The following HLCS variants were observed in gnomAD, a reference collection of about 807,000 sequenced individuals.
HLCS encodes holocarboxylase synthetase.
HLCS carries 53 observed loss-of-function variants against 75.0 expected under a neutral mutation model. That is an observed-to-expected ratio of 0.71 (90% CI 0.57 to 0.89). The LOEUF is 0.89. Among genes scored for constraint, HLCS ranks in the 40% least tolerant of loss-of-function variants. The pLI, the probability that HLCS is intolerant of heterozygous loss-of-function variation, is 0.00. For missense variants in HLCS, 966 were observed against 1,074.0 expected, an observed-to-expected ratio of 0.90 and a Z score of 1.41; for synonymous variants, 431 against 428.6, an observed-to-expected ratio of 1.01 and a Z score of -0.07.
At chr21:36,848,981 G>A (rs1177615866) in intron 6 of HLCS, among the ~76,000 whole-genome samples, 1 of 152,196 alleles carries the variant, frequency 6.6e-6, no homozygotes, top group Non-Finnish European at 1.5e-5. Context: ...AGAAAATGGA[G>A]ATGGCGAAGA....
At chr21:36,954,644 A>G (rs996163690) in intron 2 of HLCS, among the ~76,000 whole-genome samples, 4 of 152,170 alleles carry the variant, frequency 2.6e-5, no homozygotes, top group Non-Finnish European at 5.9e-5. Flanking sequence ...TAGCACAGAC[A>G]ATTACATACA....
At position 36,937,267 on chromosome 21, in the gene HLCS, G is replaced by A; in HGVS notation, c.619C>T (p.His207Tyr). ...EIKPEQDGME[H>Y]VGRDDPKALG... ...GCCTTTGGGTCATCTCTGCCAACAT[G>A]CTCCATACCGTCCTGCTCAGGCTTA... Residue 207 changes from histidine to tyrosine, a missense_variant, in exon 4 of 11, where the codon CAT (histidine) becomes TAT (tyrosine). Physicochemically the swap from His to Tyr is moderately conservative, Grantham distance 83 (BLOSUM62 2). Coordinates refer to ENST00000674895, the MANE Select transcript of HLCS (RefSeq NM_001352514.2). 6.2e-7 allele frequency: 1 copy of A among 1,614,014 alleles called. No individual in the cohort carries two copies. Among genetic ancestry groups the A allele is most frequent in the South Asian group, 1.1e-5 (1 of 91,078 alleles).
rs2066907836 is a variant in HLCS at position 36,936,809 on chromosome 21, G to C, written c.1077C>G (p.Asp359Glu). ...TAGCAATGACCAACAGCAGACAGTT[G>C]TCCGTCCACGGGTCTCTGAGAGCAC... ...EDSALRDPWT[D>E]NCLLLVIATR... is the part of the protein sequence containing the mutation. Residue 359 changes from aspartate to glutamate, a missense_variant, in exon 4 of 11, where the codon GAC (aspartate) becomes GAG (glutamate). Transcript: ENST00000674895. 1.9e-6 allele frequency: 3 copies of C among 1,614,196 alleles called. No homozygotes were observed. The highest frequency in any genetic ancestry group is 2.5e-6 in the Non-Finnish European group (3 of 1,180,024).
chr21:36,749,453 T>C lies in HLCS; in HGVS notation c.*4793A>G, dbSNP rs2089300049. ...GCTCTCAAAATGTGAACTGACTTTT[T>C]TTTTTTTTTTTTTGCCAACCCTGTG... On this transcript the variant is annotated 3_prime_UTR_variant, in exon 11 of 11. Transcript: ENST00000674895. 6.6e-6 allele frequency: 1 copy of C among 151,730 alleles called. No homozygotes were observed. The highest frequency in any genetic ancestry group is 2.4e-5 in the African/African-American group (1 of 41,352). 9.4% of individuals were successfully genotyped at this position (151,730 alleles called of 1,614,324 possible). A position where few individuals can be genotyped will look rare whatever the true frequency, so the allele number is the denominator to read the frequency against.
At chr21:36,790,716 G>A (rs2060836305) in intron 6 of HLCS, among the ~76,000 whole-genome samples, 2 of 152,186 alleles carry the variant, frequency 1.3e-5, no homozygotes. Context: ...GGCTGTGAAG[G>A]CTCAGACAGG....
chr21:36,923,762 G>T (rs1381408173), intron 5 of HLCS, among the ~76,000 whole-genome samples: 1 of 152,116 alleles, frequency 6.6e-6, no homozygotes, highest in African/African-American at 2.4e-5. Flanking sequence ...CCCCAAGTAT[G>T]ATTTCTTTTG....
At chr21:36,811,931 G>T (rs576844832) in intron 6 of HLCS, among the ~76,000 whole-genome samples, 1 of 152,236 alleles carries the variant, frequency 6.6e-6, no homozygotes, top group Admixed American at 6.5e-5. Context: ...CTGGGTCTCG[G>T]CTTCTTAACC....
rs370448987 is a variant in HLCS, at chr21:36,822,178, T to C, written c.1893-54893A>G. On this transcript the variant is annotated intron_variant, in intron 6 of 10. Coordinates refer to ENST00000674895, the MANE Select transcript of HLCS (RefSeq NM_001352514.2). Reference sequence around the variant, plus strand: ...GGCTCACACCTGTAATCCCAGTACTTTGGGAGGCTGAGGCAGGCGAATCAC... The same window carrying C: ...GGCTCACACCTGTAATCCCAGTACTCTGGGAGGCTGAGGCAGGCGAATCAC... Among the ~76,000 whole-genome samples the C allele has an allele frequency of 1.3e-4, 20 of 152,228 alleles. 1 individual carries two copies. The highest frequency in any genetic ancestry group is 4.3e-4 in the African/African-American group (18 of 41,534).
chr21:36,901,548 G>A (rs1489867595), intron 5 of HLCS, among the ~76,000 whole-genome samples: 3 of 152,302 alleles, frequency 2.0e-5, no homozygotes, highest in South Asian at 4.1e-4. Context: ...ACGTCAACGG[G>A]GCCGTGCCTC....
intron 6 of HLCS, among the ~76,000 whole-genome samples, chr21:36,895,466 T>A (rs1314461098): frequency 6.6e-6 from 1 of 152,098 alleles, no homozygotes; most frequent in Non-Finnish European, 1.5e-5. Context: ...TGAAAGTACC[T>A]ATGACATCAC....
intron 6 of HLCS, among the ~76,000 whole-genome samples, chr21:36,830,361 C>CCATCCCAGTTACCAA (rs1236271075): frequency 1.3e-5 from 2 of 152,230 alleles, no homozygotes; most frequent in Non-Finnish European, 2.9e-5. Flanking sequence ...CCATCCAGTC[C>CCATCCCAGTTACCAA]TGTGGTAACG....
intron 6 of HLCS, among the ~76,000 whole-genome samples, chr21:36,775,279 T>C (rs1390079703): frequency 6.6e-6 from 1 of 152,276 alleles, no homozygotes; most frequent in African/African-American, 2.4e-5. Flanking sequence ...AGGAGCCCAG[T>C]GGATTCAGCT....
intron 2 of HLCS, among the ~76,000 whole-genome samples, chr21:36,946,985 T>C (rs2146582803): frequency 6.6e-6 from 1 of 152,232 alleles, no homozygotes; most frequent in East Asian, 1.9e-4. Context: ...ACTAACACCG[T>C]GGCAGGGCAG....
chr21:36,821,983 T>A (rs1033766562), intron 6 of HLCS, among the ~76,000 whole-genome samples: 2 of 152,066 alleles, frequency 1.3e-5, no homozygotes, highest in African/African-American at 4.8e-5. Flanking sequence ...ACAGGAGACA[T>A]CAGGTGGCCT....
At chr21:36,901,160 C>A (rs2065221911) in intron 5 of HLCS, among the ~76,000 whole-genome samples, 2 of 152,050 alleles carry the variant, frequency 1.3e-5, no homozygotes, top group African/African-American at 4.8e-5. Flanking sequence ...ACCTGGGAGG[C>A]TGAACTCAGG....
intron 6 of HLCS, among the ~76,000 whole-genome samples, chr21:36,865,599 T>TGAAG (rs2063527714): frequency 1.3e-5 from 2 of 152,144 alleles, no homozygotes; most frequent in Non-Finnish European, 2.9e-5. Flanking sequence ...TCTTCAGTCT[T>TGAAG]TGTACCGTTT....
At chr21:36,969,484 G>C (rs529844101), upstream of HLCS, 1 of 152,154 alleles carries the variant, frequency 6.6e-6, no homozygotes, top group African/African-American at 2.4e-5. Context: ...GAGAAGCACT[G>C]CTAACATCTT....
At chr21:36,835,224 A>G (rs1049179117) in intron 6 of HLCS, among the ~76,000 whole-genome samples, 5 of 152,214 alleles carry the variant, frequency 3.3e-5, no homozygotes, top group African/African-American at 9.7e-5. Flanking sequence ...TTTCCTAAAT[A>G]CAGTCATAAA....
intron 6 of HLCS, among the ~76,000 whole-genome samples, chr21:36,785,787 T>A (rs2060668955): frequency 6.6e-6 from 1 of 152,134 alleles, no homozygotes; most frequent in Admixed American, 6.5e-5. Context: ...TGCTCTTAGG[T>A]TTCCCCAAGA....
Sources: allele counts gnomAD v4.1 joint callset (sites outside exome capture counted in the v4.1 genomes callset), GRCh38; gene constraint gnomAD v4.1.1; transcripts MANE v1.5; gene names NCBI Gene and HGNC (gene_info 2026-07-23, HGNC 2026-07-21).